The following DCLK1 variants were observed in gnomAD, a reference collection of about 807,000 sequenced individuals.
The protein encoded by DCLK1 is doublecortin like kinase 1, also known as serine/threonine-protein kinase DCLK1.
In DCLK1, 16 loss-of-function variants were observed where a neutral mutation model predicts 86.2. The ratio of observed to expected loss-of-function variants is 0.19; its 90% CI spans 0.13 to 0.28. The LOEUF (loss-of-function observed/expected upper bound fraction) is 0.28, where lower values mean the gene tolerates loss of function less well. Among genes scored for constraint, DCLK1 ranks in the 10% least tolerant of loss-of-function variants. The pLI, the probability that DCLK1 is intolerant of heterozygous loss-of-function variation, is 1.00. For missense variants in DCLK1, 590 were observed against 940.2 expected, an observed-to-expected ratio of 0.63 and a Z score of 4.87; for synonymous variants, 369 against 370.5, an observed-to-expected ratio of 1.00 and a Z score of 0.05.
chr13:35,912,870 C>A (rs545097734), intron 4 of DCLK1, among the ~76,000 whole-genome samples: 4 of 152,190 alleles, frequency 2.6e-5, no homozygotes, highest in South Asian at 2.1e-4. Flanking sequence ...TTGTAACACA[C>A]CCTCTGGGGT....
At chr13:36,128,322 G>A (rs1300676895) in intron 1 of DCLK1, among the ~76,000 whole-genome samples, 1 of 152,124 alleles carries the variant, frequency 6.6e-6, no homozygotes, top group Non-Finnish European at 1.5e-5. Flanking sequence ...AGGTGAATAT[G>A]GAATTTATCC....
intron 5 of DCLK1, among the ~76,000 whole-genome samples, chr13:35,860,453 C>T (rs1316499812): frequency 1.3e-5 from 2 of 152,024 alleles, no homozygotes; most frequent in Admixed American, 6.5e-5. Flanking sequence ...CTCTGATTTT[C>T]TCCATGTCTG....
At chr13:36,062,488 G>C (rs773336570) in intron 3 of DCLK1, among the ~76,000 whole-genome samples, 2 of 152,084 alleles carry the variant, frequency 1.3e-5, no homozygotes, top group African/African-American at 4.8e-5. Flanking sequence ...CTGGCTACTC[G>C]GCCTAAGCAG....
chr13:35,868,184 G>A (rs961921697), intron 5 of DCLK1, among the ~76,000 whole-genome samples: 3 of 151,812 alleles, frequency 2.0e-5, no homozygotes, highest in Non-Finnish European at 2.9e-5. Context: ...CACCACGCCC[G>A]GCTAATTTTT....
intron 3 of DCLK1, among the ~76,000 whole-genome samples, chr13:35,983,537 C>T (rs924572275): frequency 6.6e-6 from 1 of 152,164 alleles, no homozygotes; most frequent in Non-Finnish European, 1.5e-5. Flanking sequence ...ATAAGACCTA[C>T]TATTTGATAG....
rs78579702 is a variant in DCLK1 at position 35,839,108 on chromosome 13, G to A, written c.1104C>T (p.Asn368=). Residue 368 remains asparagine, a synonymous_variant, in exon 7 of 17, where the codon AAC becomes AAT. Coordinates refer to ENST00000360631, the MANE Select transcript of DCLK1 (RefSeq NM_001330071.2). ...STKVCSSMDE[N]DGPGEEVSEE... ...GCTCATCACCTTCTCCAGGGCCATCGTTCTCATCCATCGAGCTGCAGACTT... is the reference window on the plus strand; with the variant it reads ...GCTCATCACCTTCTCCAGGGCCATCATTCTCATCCATCGAGCTGCAGACTT... 2.5e-4 allele frequency: 406 copies of A among 1,599,952 alleles called. 3 individuals are homozygous for A. The African/African-American group carries it at 4.8e-3, about 19-fold the overall frequency.
chr13:35,879,549 G>A (rs1368807697), intron 4 of DCLK1, among the ~76,000 whole-genome samples: 1 of 152,150 alleles, frequency 6.6e-6, no homozygotes, highest in African/African-American at 2.4e-5. Context: ...AGGTCTGCAG[G>A]TGTCCTGAGG....
intron 13 of DCLK1, among the ~76,000 whole-genome samples, chr13:35,808,583 T>C (rs1051075947): frequency 6.6e-6 from 1 of 152,092 alleles, no homozygotes; most frequent in African/African-American, 2.4e-5. Flanking sequence ...AGGAGTTCAA[T>C]ACCAGCTTGG....
chr13:36,025,191 C>G (rs1881981216), intron 3 of DCLK1, among the ~76,000 whole-genome samples: 1 of 152,146 alleles, frequency 6.6e-6, no homozygotes, highest in Admixed American at 6.5e-5. Context: ...TGGTCTTGAA[C>G]TCCTGACCTC....
intron 11 of DCLK1, among the ~76,000 whole-genome samples, chr13:35,817,951 CTT>C (rs2087307833): frequency 6.6e-6 from 1 of 152,154 alleles, no homozygotes; most frequent in South Asian, 2.1e-4. Flanking sequence ...ATGTTTATCT[CTT>C]GTTTAATTTC....
intron 16 of DCLK1, among the ~76,000 whole-genome samples, chr13:35,779,766 A>C (rs1418712870): frequency 6.6e-6 from 1 of 152,206 alleles, no homozygotes; most frequent in African/African-American, 2.4e-5. Flanking sequence ...TTATCATACT[A>C]AACACTGTCA....
At chr13:35,978,186 T>A (rs964119856) in intron 3 of DCLK1, among the ~76,000 whole-genome samples, 3 of 151,024 alleles carry the variant, frequency 2.0e-5, no homozygotes, top group Admixed American at 2.0e-4. Context: ...GTTCCAGTTT[T>A]TTTTTTCTTT....
rs1002412103 is a variant in DCLK1, at chr13:35,803,787, G to T, written c.1944+1912C>A. Among the ~76,000 whole-genome samples, 7 of 152,260 alleles carry T rather than the reference G, an allele frequency of 4.6e-5. No homozygotes were observed. The East Asian group carries it at 1.2e-3, about 25-fold the overall frequency. ...ATTCAGAGAAATGGAACATTTTGTG[G>T]CCTTCAATGTACAGCCAGATGATTC... On this transcript the variant is annotated intron_variant, in intron 15 of 16. Coordinates refer to ENST00000360631, the MANE Select transcript of DCLK1 (RefSeq NM_001330071.2).
chr13:35,793,359 T>C lies in DCLK1; in HGVS notation c.2058+7A>G, dbSNP rs1418623647. The C allele has an allele frequency of 8.1e-6, 13 of 1,600,628 alleles. No homozygotes were observed. Among genetic ancestry groups the C allele is most frequent in the Non-Finnish European group, 1.1e-5 (13 of 1,174,482 alleles). Reference sequence around the variant, plus strand: ...AAAAGTTATAGGTGGATATTTCAGATGCTTACTGCTATGACAGAAACTCCA... The same window carrying C: ...AAAAGTTATAGGTGGATATTTCAGACGCTTACTGCTATGACAGAAACTCCA... On this transcript the variant is annotated splice_region_variant and intron_variant, in intron 16 of 16. Transcript: ENST00000360631.
chr13:35,784,126 A>C (rs1256372059), intron 16 of DCLK1, among the ~76,000 whole-genome samples: 4 of 152,194 alleles, frequency 2.6e-5, no homozygotes, highest in Non-Finnish European at 2.9e-5. Flanking sequence ...AAGAGCATAG[A>C]TGTTTACTTT....
At chr13:36,086,439 G>A (rs1303228612) in intron 3 of DCLK1, among the ~76,000 whole-genome samples, 1 of 144,066 alleles carries the variant, frequency 6.9e-6, no homozygotes, top group Non-Finnish European at 1.5e-5. Context: ...GAAATAAAAT[G>A]TTTCCTCAAC....
intron 3 of DCLK1, among the ~76,000 whole-genome samples, chr13:36,048,405 A>G (rs550645168): frequency 2.2e-4 from 33 of 152,312 alleles, no homozygotes; most frequent in African/African-American, 7.5e-4. Flanking sequence ...TTTTCTTTAC[A>G]CAAAGTAATA....
At chr13:36,029,054 C>T (rs577373322) in intron 3 of DCLK1, among the ~76,000 whole-genome samples, 5 of 152,324 alleles carry the variant, frequency 3.3e-5, no homozygotes, top group African/African-American at 9.6e-5. Flanking sequence ...TCTGCCTATG[C>T]AGTAGCCATG....
intron 4 of DCLK1, among the ~76,000 whole-genome samples, chr13:35,922,326 C>T (rs1171598509): frequency 6.6e-6 from 1 of 152,202 alleles, no homozygotes; most frequent in Non-Finnish European, 1.5e-5. Flanking sequence ...ATTACCTTCC[C>T]TTTCCCCATT....
Sources: allele counts gnomAD v4.1 joint callset (sites outside exome capture counted in the v4.1 genomes callset), GRCh38; gene constraint gnomAD v4.1.1; transcripts MANE v1.5; gene names NCBI Gene and HGNC (gene_info 2026-07-23, HGNC 2026-07-21).